ESRRG: variants seen among roughly 807,000 people sequenced by gnomAD.
The protein encoded by ESRRG is estrogen related receptor gamma, also known as estrogen-related receptor gamma.
In ESRRG, 13 loss-of-function variants were observed where a neutral mutation model predicts 44.0. That is an observed-to-expected ratio of 0.30 (90% CI 0.19 to 0.47). The LOEUF (loss-of-function observed/expected upper bound fraction) is 0.47. ESRRG is among the 20% of genes least tolerant of loss of function. ESRRG has a pLI of 1.00. For synonymous variants in ESRRG, 215 were observed against 214.6 expected (o/e 1.00, Z -0.02); for missense variants, 395 against 580.6 (o/e 0.68, Z 3.29).
chr1:216,967,625 T>C (rs2070735613), intron 1 of ESRRG, among the ~76,000 whole-genome samples: 1 of 152,230 alleles, frequency 6.6e-6, no homozygotes, highest in African/African-American at 2.4e-5. Context: ...ATGGTTTATT[T>C]AACTATGCAC....
At chr1:216,770,970 A>G (rs1395828413) in intron 2 of ESRRG, among the ~76,000 whole-genome samples, 1 of 152,094 alleles carries the variant, frequency 6.6e-6, no homozygotes, top group African/African-American at 2.4e-5. Context: ...TAGGTATTGG[A>G]TGAGATAAAA....
chr1:216,791,191 T>G (rs1559650966), intron 2 of ESRRG, among the ~76,000 whole-genome samples: 1 of 152,142 alleles, frequency 6.6e-6, no homozygotes, highest in Admixed American at 6.6e-5. Context: ...GGGAGATGTT[T>G]GGATCATGGG....
intron 2 of ESRRG, among the ~76,000 whole-genome samples, chr1:216,818,661 TATATAGACAA>T (rs2095216580): frequency 6.6e-6 from 1 of 152,088 alleles, no homozygotes; most frequent in Admixed American, 6.6e-5. Flanking sequence ...GCAGGTTTGT[TATATAGACAA>T]ATGTGTGCCA....
At chr1:217,104,410 G>T (rs531103391) in intron 1 of ESRRG, among the ~76,000 whole-genome samples, 1 of 152,272 alleles carries the variant, frequency 6.6e-6, no homozygotes, top group African/African-American at 2.4e-5. Flanking sequence ...ATGAAGCCTG[G>T]ATTCAGAAAG....
chr1:216,815,858 T>A (rs2095119386), intron 2 of ESRRG, among the ~76,000 whole-genome samples: 2 of 151,962 alleles, frequency 1.3e-5, no homozygotes, highest in African/African-American at 4.8e-5. Context: ...TGCCTAGGAG[T>A]CAAGTTCATC....
At chr1:216,515,510 C>T (rs2043986166) in intron 6 of ESRRG, among the ~76,000 whole-genome samples, 1 of 152,112 alleles carries the variant, frequency 6.6e-6, no homozygotes, top group Non-Finnish European at 1.5e-5. Flanking sequence ...ACTCTGCATA[C>T]ATAACCATTT....
chr1:217,136,270 G>A (rs1164419639), intron 1 of ESRRG, among the ~76,000 whole-genome samples: 1 of 152,190 alleles, frequency 6.6e-6, no homozygotes, highest in African/African-American at 2.4e-5. Flanking sequence ...AGGAGTTGGC[G>A]TTTTCCTGAG....
intron 2 of ESRRG, among the ~76,000 whole-genome samples, chr1:216,872,678 A>G (rs1043025253): frequency 4.0e-5 from 6 of 151,630 alleles, no homozygotes; most frequent in African/African-American, 1.5e-4. Flanking sequence ...CTTATTTCCT[A>G]TTGCTGAGGT....
chr1:216,676,004 G>A (rs952162364), intron 2 of ESRRG, among the ~76,000 whole-genome samples: 1 of 152,144 alleles, frequency 6.6e-6, no homozygotes, highest in African/African-American at 2.4e-5. Flanking sequence ...GAGAACCACT[G>A]ATATGTGGGA....
At chr1:216,573,435 C>T (rs1168963879) in intron 3 of ESRRG, among the ~76,000 whole-genome samples, 1 of 151,674 alleles carries the variant, frequency 6.6e-6, no homozygotes, top group Admixed American at 6.6e-5. Flanking sequence ...CTGTAATGAT[C>T]CAATAACATT....
intron 1 of ESRRG, among the ~76,000 whole-genome samples, chr1:216,994,299 G>C (rs923893016): frequency 6.6e-6 from 1 of 152,176 alleles, no homozygotes; most frequent in Non-Finnish European, 1.5e-5. Flanking sequence ...AGATGAGTTA[G>C]TAGCTCCTCT....
At chr1:216,707,294 G>A (rs2082643163) in intron 1 of ESRRG, 1 of 1,511,214 alleles carries the variant, frequency 6.6e-7, no homozygotes, top group African/African-American at 1.4e-5. Context: ...GTAACGTTGA[G>A]CATTTTAAGA....
At chr1:216,607,496 T>C (rs1558780734) in intron 3 of ESRRG, among the ~76,000 whole-genome samples, 1 of 152,200 alleles carries the variant, frequency 6.6e-6, no homozygotes, top group Admixed American at 6.5e-5. Flanking sequence ...AGAAACTGAA[T>C]GAAGAGATGT....
At chr1:217,123,613 T>A (rs2092850890) in intron 1 of ESRRG, among the ~76,000 whole-genome samples, 2 of 152,082 alleles carry the variant, frequency 1.3e-5, no homozygotes, top group Admixed American at 6.5e-5. Context: ...GGGGCATGGA[T>A]GAAGCTGGAA....
At chr1:217,076,739 T>C (rs1457632017) in intron 1 of ESRRG, 1 of 152,244 alleles carries the variant, frequency 6.6e-6, no homozygotes, top group Non-Finnish European at 1.5e-5. Context: ...CGAAATGACC[T>C]ATTCCTCTTA....
chr1:216,743,987 G>T (rs1297167691), intron 2 of ESRRG, among the ~76,000 whole-genome samples: 1 of 152,146 alleles, frequency 6.6e-6, no homozygotes, highest in Non-Finnish European at 1.5e-5. Context: ...TTTTACTTGT[G>T]ATTCCTCTGG....
intron 1 of ESRRG, among the ~76,000 whole-genome samples, chr1:217,121,056 T>C (rs2092811553): frequency 6.6e-6 from 1 of 152,044 alleles, no homozygotes; most frequent in Admixed American, 6.6e-5. Flanking sequence ...TGATGGACTT[T>C]GCCTGGGGGA....
chr1:217,106,392 GCACACACACACA>G (rs3075354), intron 1 of ESRRG, among the ~76,000 whole-genome samples: 1 of 82,322 alleles, frequency 1.2e-5, no homozygotes, highest in African/African-American at 5.1e-5. Flanking sequence ...ACTCACATAT[GCACACACACACA>G]CACACACACA....
At chr1:216,512,880 A>G (rs2043123542) in intron 6 of ESRRG, among the ~76,000 whole-genome samples, 1 of 152,202 alleles carries the variant, frequency 6.6e-6, no homozygotes, top group Non-Finnish European at 1.5e-5. Context: ...GAAGAAGGCA[A>G]TGTTACCACT....
Sources: gnomAD v4.1 joint callset for allele counts (sites outside exome capture counted in the v4.1 genomes callset) on GRCh38, gnomAD v4.1.1 for gene constraint, MANE v1.5 for transcripts, NCBI Gene and HGNC (gene_info 2026-07-23, HGNC 2026-07-21) for gene names.